Variants in ATP9B observed in about 807,000 individuals in gnomAD.
The protein encoded by ATP9B is ATPase phospholipid transporting 9B, also known as probable phospholipid-transporting ATPase IIB.
ATP9B carries 110 observed loss-of-function variants against 146.1 expected under a neutral mutation model. The observed-to-expected ratio is 0.75, with a 90% CI of 0.65 to 0.88. The LOEUF (loss-of-function observed/expected upper bound fraction) is 0.88. Ranked by LOEUF, ATP9B falls within the 40% of genes least tolerant of loss-of-function variation. ATP9B has a pLI of 0.00. For synonymous variants in ATP9B, 604 were observed against 569.7 expected (o/e 1.06, Z -0.86); for missense variants, 1,499 against 1,496.4 (o/e 1.00, Z -0.03).
intron 10 of ATP9B, 111 bp downstream of exon 10, chr18:79,207,123 C>T (rs905391768): frequency 2.0e-6 from 2 of 1,021,562 alleles, no homozygotes; most frequent in African/African-American, 1.6e-5. Flanking sequence ...TATTTAGGGA[C>T]CTTGCTAAAC....
intron 4 of ATP9B, chr18:79,117,880 T>C (rs2094115267): frequency 1.3e-5 from 2 of 152,238 alleles, no homozygotes; most frequent in South Asian, 2.1e-4. Context: ...TTAATAGTTT[T>C]ACTGTGTTTA....
intron 12 of ATP9B, among the ~76,000 whole-genome samples, chr18:79,270,647 C>A (rs886339708): frequency 7.2e-5 from 11 of 151,926 alleles, no homozygotes; most frequent in South Asian, 2.1e-4. Flanking sequence ...AACTTTCAAC[C>A]AGCAATGATG....
intron 8 of ATP9B, among the ~76,000 whole-genome samples, chr18:79,188,520 G>A (rs1296589271): frequency 1.3e-5 from 2 of 151,942 alleles, no homozygotes; most frequent in Non-Finnish European, 2.9e-5. Flanking sequence ...TTCCTTCACC[G>A]GTAAGACCAG....
chr18:79,375,514 C>A, intron 29 of ATP9B, 88 bp downstream of exon 29: 2 of 1,551,810 alleles, frequency 1.3e-6, no homozygotes, highest in South Asian at 1.2e-5. Flanking sequence ...AAAAACAAAC[C>A]TTCCTCTAAT....
intron 7 of ATP9B, among the ~76,000 whole-genome samples, chr18:79,169,189 C>A (rs1223786953): frequency 6.6e-6 from 1 of 152,090 alleles, no homozygotes; most frequent in Admixed American, 6.5e-5. Context: ...CCGTATCTTC[C>A]AAGTGGTGAA....
At chr18:79,344,500 C>T in intron 21 of ATP9B, 146 bp downstream of exon 21, 1 of 774,100 alleles carries the variant, frequency 1.3e-6, no homozygotes, top group South Asian at 1.5e-5. Flanking sequence ...GTCTCTGAGG[C>T]AAGGCTGGAC....
rs142763662 is a variant in ATP9B, at chr18:79,072,882, G to A, written c.119+3353G>A. Among the ~76,000 whole-genome samples the A allele has an allele frequency of 3.1e-3, 477 of 151,672 alleles. 2 individuals carry two copies. The highest frequency in any genetic ancestry group is 0.024 in the South Asian group (117 of 4,776). ...CTCCTCAGTTCCCAGACAGGGTGGC[G>A]GCTGGGTAGAGATGCTCCTCACCTC... On this transcript the variant is annotated intron_variant, in intron 1 of 29. Coordinates refer to ENST00000426216, the MANE Select transcript of ATP9B (RefSeq NM_198531.5).
intron 7 of ATP9B, among the ~76,000 whole-genome samples, chr18:79,159,855 A>G (rs1476660493): frequency 6.6e-6 from 1 of 152,134 alleles, no homozygotes; most frequent in African/African-American, 2.4e-5. Flanking sequence ...GCACACCTAC[A>G]TTTGTGATGT....
intron 11 of ATP9B, among the ~76,000 whole-genome samples, chr18:79,243,518 A>G (rs2095910156): frequency 6.6e-6 from 1 of 152,224 alleles, no homozygotes; most frequent in African/African-American, 2.4e-5. Context: ...TTTACACAAT[A>G]AGCCAAGAAA....
At chr18:79,286,773 A>C (rs1217618183) in intron 13 of ATP9B, among the ~76,000 whole-genome samples, 1 of 152,146 alleles carries the variant, frequency 6.6e-6, no homozygotes, top group African/African-American at 2.4e-5. Flanking sequence ...GATAGCTCTT[A>C]TTATTTTGAG....
chr18:79,125,166 G>A (rs2094261485), intron 4 of ATP9B, among the ~76,000 whole-genome samples: 1 of 152,174 alleles, frequency 6.6e-6, no homozygotes, highest in Non-Finnish European at 1.5e-5. Context: ...GGTGCAGAGT[G>A]CAGACTAAGG....
intron 26 of ATP9B, among the ~76,000 whole-genome samples, chr18:79,369,924 G>T (rs767314257): frequency 1.3e-5 from 2 of 152,078 alleles, no homozygotes; most frequent in African/African-American, 4.8e-5. Context: ...CATGGCAAAA[G>T]CCCATCTCTA....
chr18:79,089,793 G>A (rs186474190), intron 1 of ATP9B, among the ~76,000 whole-genome samples: 19 of 152,182 alleles, frequency 1.2e-4, no homozygotes, highest in African/African-American at 4.3e-4. Context: ...TATTCTTTTA[G>A]TTATTTGAAA....
At chr18:79,100,710 G>A (rs2075209569) in intron 2 of ATP9B, among the ~76,000 whole-genome samples, 1 of 152,096 alleles carries the variant, frequency 6.6e-6, no homozygotes, top group Non-Finnish European at 1.5e-5. Context: ...CCGAGACTGG[G>A]CAATTTACAA....
rs180714849 is a variant in ATP9B, at chr18:79,252,024, C to T, written c.1108-1357C>T. ...GATGCCAAAGGCAGTGGCCTCTCACCCTGGCACCTCTGCCCTGTGGGTACC... is the reference window on the plus strand; with the variant it reads ...GATGCCAAAGGCAGTGGCCTCTCACTCTGGCACCTCTGCCCTGTGGGTACC... On this transcript the variant is annotated intron_variant, in intron 11 of 29. Coordinates refer to ENST00000426216, the MANE Select transcript of ATP9B (RefSeq NM_198531.5). Among the ~76,000 whole-genome samples the T allele has an allele frequency of 1.9e-3, 295 of 152,338 alleles. 1 individual carries two copies. Among genetic ancestry groups the T allele is most frequent in the Non-Finnish European group, 2.3e-3 (159 of 68,038 alleles).
At chr18:79,215,933 G>A (rs1185131384) in intron 11 of ATP9B, among the ~76,000 whole-genome samples, 1 of 152,082 alleles carries the variant, frequency 6.6e-6, no homozygotes, top group East Asian at 1.9e-4. Context: ...CAAGTGATCT[G>A]CTCGCCTCAG....
intron 25 of ATP9B, among the ~76,000 whole-genome samples, chr18:79,355,701 T>A (rs112636217): frequency 6.6e-6 from 1 of 152,270 alleles, no homozygotes; most frequent in South Asian, 2.1e-4. Flanking sequence ...AGGGCAGGGC[T>A]AGGAACTTAC....
intron 15 of ATP9B, among the ~76,000 whole-genome samples, chr18:79,313,762 A>T (rs907884726): frequency 7.9e-5 from 12 of 152,194 alleles, no homozygotes; most frequent in African/African-American, 2.9e-4. Context: ...TTACAGTTAA[A>T]TTTTTTTACT....
chr18:79,345,971 G>C (rs548726595), intron 23 of ATP9B, 132 bp downstream of exon 23: 2 of 988,876 alleles, frequency 2.0e-6, no homozygotes, highest in East Asian at 2.4e-5. Context: ...GCGTACGCTC[G>C]GTCAGCAAAC....
Sources: allele counts gnomAD v4.1 joint callset (sites outside exome capture counted in the v4.1 genomes callset), GRCh38; gene constraint gnomAD v4.1.1; transcripts MANE v1.5; gene names NCBI Gene and HGNC (gene_info 2026-07-23, HGNC 2026-07-21).